The following WDFY2 variants were observed in gnomAD, a reference collection of about 807,000 sequenced individuals.
WDFY2 encodes WD repeat and FYVE domain containing 2.
A neutral mutation model predicts 56.4 loss-of-function variants in WDFY2; 36 were observed. That is an observed-to-expected ratio of 0.64 (90% CI 0.49 to 0.84). The LOEUF is 0.84. Ranked by LOEUF, WDFY2 falls within the 40% of genes least tolerant of loss-of-function variation. The probability of loss-of-function intolerance (pLI) is 0.00; values close to 1 mark genes in which losing one functional copy is unlikely to be tolerated. For missense variants in WDFY2, 444 were observed against 512.2 expected (o/e 0.87, Z 1.29); for synonymous variants, 176 against 183.7 (o/e 0.96, Z 0.34).
chr13:51,635,466 T>G (rs1351364629), intron 1 of WDFY2, among the ~76,000 whole-genome samples: 1 of 152,232 alleles, frequency 6.6e-6, no homozygotes, highest in Non-Finnish European at 1.5e-5. Flanking sequence ...TATAAGCCAT[T>G]TTTTTCGGCT....
rs973311344 is a variant in WDFY2 at position 51,731,290 on chromosome 13, G to C, written c.598+3500G>C. Reference sequence around the variant, plus strand: ...GTGAGTTTTGTATTGTTGCCTCCAGGTCAGAAAAGAGACAGTAGCACCTTC... The same window carrying C: ...GTGAGTTTTGTATTGTTGCCTCCAGCTCAGAAAAGAGACAGTAGCACCTTC... On this transcript the variant is annotated intron_variant, in intron 6 of 11. Coordinates refer to ENST00000298125, the MANE Select transcript of WDFY2 (RefSeq NM_052950.4). 7.2e-5 allele frequency among the ~76,000 whole-genome samples: 11 copies of C among 152,274 alleles called. No homozygotes were observed. The South Asian group carries it at 2.3e-3, about 32-fold the overall frequency.
At chr13:51,611,760 C>A (rs1283727220) in intron 1 of WDFY2, among the ~76,000 whole-genome samples, 1 of 152,072 alleles carries the variant, frequency 6.6e-6, no homozygotes, top group African/African-American at 2.4e-5. Context: ...CAGTTCTGGC[C>A]AGTGATAGGA....
chr13:51,651,578 C>A (rs946906047), intron 1 of WDFY2, among the ~76,000 whole-genome samples: 5 of 152,212 alleles, frequency 3.3e-5, no homozygotes, highest in African/African-American at 1.2e-4. Flanking sequence ...CCTCTACACA[C>A]TGCTTTGAAT....
chr13:51,683,837 G>A (rs1049592699), intron 3 of WDFY2, among the ~76,000 whole-genome samples: 1 of 152,138 alleles, frequency 6.6e-6, no homozygotes, highest in African/African-American at 2.4e-5. Flanking sequence ...GTTTAGTGCT[G>A]GGGTTAAATG....
intron 1 of WDFY2, among the ~76,000 whole-genome samples, chr13:51,647,383 A>C (rs1226090171): frequency 6.6e-6 from 1 of 152,228 alleles, no homozygotes; most frequent in Admixed American, 6.5e-5. Flanking sequence ...TATACTGAAT[A>C]ATGTAGGCAA....
At chr13:51,720,734 A>T (rs1952467895) in intron 5 of WDFY2, among the ~76,000 whole-genome samples, 1 of 152,194 alleles carries the variant, frequency 6.6e-6, no homozygotes, top group Non-Finnish European at 1.5e-5. Flanking sequence ...AGGCACCAGC[A>T]GATTCAGTGT....
chr13:51,734,907 A>G (rs556636637), intron 6 of WDFY2, among the ~76,000 whole-genome samples: 15 of 152,350 alleles, frequency 9.8e-5, no homozygotes, highest in African/African-American at 3.6e-4. Context: ...AAATAGAAAC[A>G]CTGGAAAACC....
At chr13:51,731,806 T>C (rs1434924416) in intron 6 of WDFY2, among the ~76,000 whole-genome samples, 6 of 152,104 alleles carry the variant, frequency 3.9e-5, no homozygotes, top group Non-Finnish European at 7.4e-5. Flanking sequence ...GTCCCATCAC[T>C]CCAAATCCAA....
intron 1 of WDFY2, among the ~76,000 whole-genome samples, chr13:51,622,747 G>C (rs1954757665): frequency 6.6e-6 from 1 of 152,064 alleles, no homozygotes; most frequent in African/African-American, 2.4e-5. Context: ...AGTCAGGGAG[G>C]TAGGTAAGTA....
At chr13:51,695,137 G>A (rs557187286) in intron 3 of WDFY2, among the ~76,000 whole-genome samples, 2 of 152,254 alleles carry the variant, frequency 1.3e-5, no homozygotes, top group South Asian at 4.1e-4. Context: ...ATTTCCTCCT[G>A]TAGCTTGGAG....
intron 1 of WDFY2, among the ~76,000 whole-genome samples, chr13:51,620,989 T>C (rs1282309148): frequency 6.6e-6 from 1 of 152,162 alleles, no homozygotes; most frequent in Non-Finnish European, 1.5e-5. Flanking sequence ...ACACACAATA[T>C]ATAAAACTCT....
chr13:51,739,033 G>A lies in WDFY2; in HGVS notation c.599-16G>A. 6.4e-7 allele frequency: 1 copy of A among 1,560,090 alleles called. No individual in the cohort carries two copies. The highest frequency in any genetic ancestry group is 8.7e-7 in the Non-Finnish European group (1 of 1,152,652). ...CTTACCTTGTGACTGATGTCTGGTT[G>A]TGTCTGTCCTCTCAGGTGGGGTGAC... On this transcript the variant is annotated splice_polypyrimidine_tract_variant and intron_variant, in intron 6 of 11. Coordinates refer to ENST00000298125, the MANE Select transcript of WDFY2 (RefSeq NM_052950.4).
intron 8 of WDFY2, among the ~76,000 whole-genome samples, chr13:51,754,133 T>C (rs756969618): frequency 6.6e-6 from 1 of 151,996 alleles, no homozygotes; most frequent in Non-Finnish European, 1.5e-5. Context: ...GATGTACTGT[T>C]AGTCTGGTTC....
chr13:51,597,926 A>C (rs952219497), intron 1 of WDFY2, among the ~76,000 whole-genome samples: 1 of 152,210 alleles, frequency 6.6e-6, no homozygotes. Context: ...TGATGAGTGA[A>C]GTCTCCCTCC....
At chr13:51,666,194 T>C (rs1955697111) in intron 2 of WDFY2, among the ~76,000 whole-genome samples, 1 of 152,258 alleles carries the variant, frequency 6.6e-6, no homozygotes, top group Admixed American at 6.5e-5. Flanking sequence ...AGTCTGATTA[T>C]TCCTTTAAAT....
At chr13:51,659,128 T>C (rs1447492570) in intron 1 of WDFY2, among the ~76,000 whole-genome samples, 1 of 152,058 alleles carries the variant, frequency 6.6e-6, no homozygotes, top group Non-Finnish European at 1.5e-5. Flanking sequence ...GGTTTTGTCA[T>C]GTTGGCCAGG....
chr13:51,665,318 C>T (rs1315061199), intron 2 of WDFY2, among the ~76,000 whole-genome samples: 1 of 152,170 alleles, frequency 6.6e-6, no homozygotes, highest in East Asian at 1.9e-4. Flanking sequence ...CAACTTAAAA[C>T]ACACCTATCT....
At chr13:51,735,503 C>T (rs1482471749) in intron 6 of WDFY2, among the ~76,000 whole-genome samples, 4 of 152,172 alleles carry the variant, frequency 2.6e-5, no homozygotes, top group African/African-American at 4.8e-5. Context: ...GCAGGACAGG[C>T]ACTCCAGACA....
chr13:51,728,584 AG>A (rs1952654323), intron 6 of WDFY2, among the ~76,000 whole-genome samples: 1 of 152,222 alleles, frequency 6.6e-6, no homozygotes, highest in South Asian at 2.1e-4. Context: ...ATGTCATATA[AG>A]AAAAAAAGTA....
Sources: allele counts gnomAD v4.1 joint callset (sites outside exome capture counted in the v4.1 genomes callset), GRCh38; gene constraint gnomAD v4.1.1; transcripts MANE v1.5; gene names NCBI Gene and HGNC (gene_info 2026-07-23, HGNC 2026-07-21).